The following CA1 variants were observed in gnomAD, a reference collection of about 807,000 sequenced individuals.
CA1 encodes the protein carbonate dehydratase I.
Under a neutral mutation model 28.8 loss-of-function variants are expected in CA1, and 27 were observed. The ratio of observed to expected loss-of-function variants is 0.94; its 90% CI spans 0.69 to 1.29. CA1 has a LOEUF of 1.29. Ranked by LOEUF, CA1 falls within the 50% of genes most tolerant of loss-of-function variation. The probability of loss-of-function intolerance (pLI) is 0.00; values close to 1 mark genes in which losing one functional copy is unlikely to be tolerated. For missense variants in CA1, 335 were observed against 310.5 expected, an observed-to-expected ratio of 1.08 and a Z score of -0.59; for synonymous variants, 121 against 108.8, an observed-to-expected ratio of 1.11 and a Z score of -0.70.
At chr8:85,361,814 C>T (rs960008569) in intron 1 of CA1, among the ~76,000 whole-genome samples, 6 of 152,156 alleles carry the variant, frequency 3.9e-5, no homozygotes, top group Non-Finnish European at 8.8e-5. Context: ...ACTGGACCAG[C>T]GCTATTAGCA....
intron 1 of CA1, among the ~76,000 whole-genome samples, chr8:85,355,268 A>G (rs1227343496): frequency 6.6e-6 from 1 of 152,244 alleles, no homozygotes; most frequent in Non-Finnish European, 1.5e-5. Context: ...ATACACGAAC[A>G]CTGAGAAACA....
At chr8:85,369,733 G>A (rs2130388686) in intron 1 of CA1, among the ~76,000 whole-genome samples, 1 of 152,140 alleles carries the variant, frequency 6.6e-6, no homozygotes, top group South Asian at 2.1e-4. Context: ...CTACCTTAAG[G>A]GGAAATGAAT....
chr8:85,332,820 G>A (rs1808466158), intron 5 of CA1, among the ~76,000 whole-genome samples: 1 of 151,954 alleles, frequency 6.6e-6, no homozygotes, highest in African/African-American at 2.4e-5. Flanking sequence ...GTTATACAGG[G>A]CAAAATCTAG....
At chr8:85,360,933 C>T (rs1182142262) in intron 1 of CA1, among the ~76,000 whole-genome samples, 1 of 152,202 alleles carries the variant, frequency 6.6e-6, no homozygotes, top group African/African-American at 2.4e-5. Context: ...CACCATTTCT[C>T]TCTTGCAGAA....
chr8:85,335,310 C>T (rs1370144856), intron 4 of CA1, among the ~76,000 whole-genome samples: 2 of 152,092 alleles, frequency 1.3e-5, no homozygotes, highest in Non-Finnish European at 2.9e-5. Flanking sequence ...TGTTAAGTAA[C>T]ATTATTCAGC....
chr8:85,362,008 A>C (rs1001675627), intron 1 of CA1, among the ~76,000 whole-genome samples: 8 of 152,286 alleles, frequency 5.3e-5, no homozygotes, highest in African/African-American at 1.7e-4. Context: ...ATACAAATTT[A>C]TTCTCCTGAC....
At chr8:85,359,092 T>C (rs1809702941) in intron 1 of CA1, among the ~76,000 whole-genome samples, 1 of 152,196 alleles carries the variant, frequency 6.6e-6, no homozygotes, top group Non-Finnish European at 1.5e-5. Flanking sequence ...TTCAGAACCT[T>C]ACACAAGTCA....
intron 1 of CA1, among the ~76,000 whole-genome samples, chr8:85,344,265 TA>T (rs1809072428): frequency 1.5e-5 from 1 of 68,832 alleles, no homozygotes; most frequent in Non-Finnish European, 3.0e-5. Flanking sequence ...ATACAGTATA[TA>T]ATATATAATT....
chr8:85,355,856 T>TC (rs1169683499), intron 1 of CA1, among the ~76,000 whole-genome samples: 2 of 151,798 alleles, frequency 1.3e-5, no homozygotes, highest in Non-Finnish European at 2.9e-5. Context: ...CTAGTTTTTT[T>TC]TTCTTCTTCT....
intron 4 of CA1, 112 bp from the exon 5 acceptor site, chr8:85,333,732 A>T: frequency 1.4e-6 from 1 of 697,692 alleles, no homozygotes; most frequent in Non-Finnish European, 2.6e-6. Context: ...GATACATAAA[A>T]CTTATGTGAA....
intron 1 of CA1, among the ~76,000 whole-genome samples, chr8:85,343,495 G>A (rs1450323216): frequency 6.6e-6 from 1 of 152,184 alleles, no homozygotes; most frequent in Non-Finnish European, 1.5e-5. Context: ...CCAAGAGTCA[G>A]GCTTCATCCT....
At chr8:85,366,220 C>A (rs927725260) in intron 1 of CA1, among the ~76,000 whole-genome samples, 2 of 149,700 alleles carry the variant, frequency 1.3e-5, no homozygotes, top group African/African-American at 5.0e-5. Context: ...ACTATGTTGC[C>A]CAGGCTGGTT....
intron 1 of CA1, among the ~76,000 whole-genome samples, chr8:85,354,569 A>G (rs987298140): frequency 6.6e-6 from 1 of 152,224 alleles, no homozygotes; most frequent in African/African-American, 2.4e-5. Flanking sequence ...GACGACTTTT[A>G]CATGATTGAT....
chr8:85,355,437 A>G (rs150616571), intron 1 of CA1, among the ~76,000 whole-genome samples: 2,238 of 152,008 alleles, frequency 0.015, 23 homozygotes, highest in Middle Eastern at 0.031. Context: ...TTTCTCTGTC[A>G]CCCAGGCTGG....
chr8:85,366,675 T>C (rs1810019519), intron 1 of CA1, among the ~76,000 whole-genome samples: 1 of 152,212 alleles, frequency 6.6e-6, no homozygotes, highest in Non-Finnish European at 1.5e-5. Context: ...GGATGCTAAC[T>C]GAATCAATGT....
chr8:85,359,948 A>T (rs930364539), intron 1 of CA1, among the ~76,000 whole-genome samples: 7 of 152,206 alleles, frequency 4.6e-5, no homozygotes, highest in Non-Finnish European at 8.8e-5. Context: ...CAATAAGGAG[A>T]CTAAAACCAT....
intron 1 of CA1, chr8:85,373,575 G>A (rs1810309139): frequency 6.6e-6 from 1 of 151,978 alleles, no homozygotes; most frequent in Non-Finnish European, 1.5e-5. Context: ...ATTAGTTATT[G>A]TTGTTAATCT....
chr8:85,330,433 G>A (rs1180454961), intron 6 of CA1, among the ~76,000 whole-genome samples: 1 of 151,892 alleles, frequency 6.6e-6, no homozygotes, highest in East Asian at 1.9e-4. Context: ...TTGCTCTTTC[G>A]ATATCTATCA....
At chr8:85,344,180 ATATAT>A (rs1450345026) in intron 1 of CA1, among the ~76,000 whole-genome samples, 2 of 117,592 alleles carry the variant, frequency 1.7e-5, no homozygotes, top group Non-Finnish European at 3.2e-5. Context: ...ACTGTATATA[ATATAT>A]AATTATATAT....
Sources: gnomAD v4.1 joint callset for allele counts (sites outside exome capture counted in the v4.1 genomes callset) on GRCh38, gnomAD v4.1.1 for gene constraint, MANE v1.5 for transcripts, NCBI Gene and HGNC (gene_info 2026-07-23, HGNC 2026-07-21) for gene names.